PDE11A: variants seen among roughly 807,000 people sequenced by gnomAD.
PDE11A encodes the protein dual 3',5'-cyclic-AMP and -GMP phosphodiesterase 11A.
Under a neutral mutation model 100.5 loss-of-function variants are expected in PDE11A, and 100 were observed. That is an observed-to-expected ratio of 1.00 (90% confidence interval 0.85 to 1.18). The LOEUF (loss-of-function observed/expected upper bound fraction) is 1.18. PDE11A is among the 50% of genes most tolerant of loss of function. The probability of loss-of-function intolerance (pLI) is 0.00; values close to 1 mark genes in which losing one functional copy is unlikely to be tolerated. For synonymous variants in PDE11A, 381 were observed against 420.8 expected (o/e 0.91, Z 1.16); for missense variants, 1,141 against 1,152.6 (o/e 0.99, Z 0.15).
At chr2:177,786,175 C>T (rs1351744859) in intron 9 of PDE11A, among the ~76,000 whole-genome samples, 2 of 152,198 alleles carry the variant, frequency 1.3e-5, no homozygotes, top group Non-Finnish European at 2.9e-5. Flanking sequence ...CGGCCGGGTA[C>T]TCCTCTGAGA....
chr2:177,989,039 G>A (rs1021916537), intron 2 of PDE11A, among the ~76,000 whole-genome samples: 1 of 152,220 alleles, frequency 6.6e-6, no homozygotes, highest in African/African-American at 2.4e-5. Flanking sequence ...AGGCTTGCCT[G>A]CTAACTGCGT....
chr2:177,946,127 C>G (rs1444786555), intron 2 of PDE11A, among the ~76,000 whole-genome samples: 1 of 118,990 alleles, frequency 8.4e-6, no homozygotes, highest in African/African-American at 3.4e-5. Context: ...TCCGCCCGGC[C>G]AGCCGCCCCG....
At chr2:177,820,429 G>A (rs991376742) in intron 6 of PDE11A, 134 bp from the exon 7 acceptor site, 22 of 641,168 alleles carry the variant, frequency 3.4e-5, no homozygotes, top group Non-Finnish European at 4.8e-5. Flanking sequence ...ACCTAATTTT[G>A]TAATGCATAA....
chr2:177,932,183 C>T (rs561181830), intron 2 of PDE11A, among the ~76,000 whole-genome samples: 1 of 152,098 alleles, frequency 6.6e-6, no homozygotes, highest in African/African-American at 2.4e-5. Flanking sequence ...ATCCTACCAA[C>T]CAAATAAAAT....
chr2:177,802,985 T>C (rs2082815004), intron 9 of PDE11A, among the ~76,000 whole-genome samples: 1 of 151,878 alleles, frequency 6.6e-6, no homozygotes, highest in African/African-American at 2.4e-5. Flanking sequence ...GGAAAGTGCA[T>C]ACTCCAATTC....
chr2:178,055,827 G>A (rs1421934911), intron 1 of PDE11A, among the ~76,000 whole-genome samples: 4 of 151,880 alleles, frequency 2.6e-5, no homozygotes, highest in African/African-American at 9.7e-5. Flanking sequence ...ATTTAGCTTT[G>A]TACACTTATA....
intron 9 of PDE11A, among the ~76,000 whole-genome samples, chr2:177,789,413 C>T (rs1302774414): frequency 6.6e-6 from 1 of 151,812 alleles, no homozygotes; most frequent in Non-Finnish European, 1.5e-5. Context: ...CTATCTATGA[C>T]AAACCCACAG....
chr2:177,939,014 T>C (rs907459565), intron 2 of PDE11A, among the ~76,000 whole-genome samples: 2 of 152,212 alleles, frequency 1.3e-5, no homozygotes, highest in African/African-American at 4.8e-5. Context: ...TGCTGACACC[T>C]TGATGGTGGA....
At chr2:178,020,248 G>A (rs533773876) in intron 1 of PDE11A, among the ~76,000 whole-genome samples, 50 of 152,302 alleles carry the variant, frequency 3.3e-4, no homozygotes, top group African/African-American at 1.1e-3. Flanking sequence ...CAGCCTGTTT[G>A]CCCTTACCTT....
chr2:177,762,668 G>A (rs902439922), intron 10 of PDE11A, among the ~76,000 whole-genome samples: 2 of 152,108 alleles, frequency 1.3e-5, no homozygotes, highest in Admixed American at 6.5e-5. Flanking sequence ...ATTCTGCTGT[G>A]CTAACATGGG....
intron 1 of PDE11A, among the ~76,000 whole-genome samples, chr2:178,068,251 C>T (rs552846125): frequency 8.0e-5 from 12 of 150,082 alleles, no homozygotes; most frequent in South Asian, 4.2e-4. Flanking sequence ...TTTCCATTTA[C>T]GATTTATTTT....
chr2:178,007,748 C>T (rs183623865), intron 2 of PDE11A, among the ~76,000 whole-genome samples: 234 of 152,064 alleles, frequency 1.5e-3, no homozygotes, highest in African/African-American at 3.6e-3. Context: ...CCTGTCACCC[C>T]GGCTGGAGTG....
At chr2:177,742,905 G>A (rs1465673860) in intron 10 of PDE11A, among the ~76,000 whole-genome samples, 2 of 152,194 alleles carry the variant, frequency 1.3e-5, no homozygotes, top group African/African-American at 4.8e-5. Context: ...CAGCTAAGAG[G>A]AGAGGTGGCA....
intron 19 of PDE11A, among the ~76,000 whole-genome samples, chr2:177,661,332 A>T (rs2080482978): frequency 6.6e-6 from 1 of 152,044 alleles, no homozygotes; most frequent in African/African-American, 2.4e-5. Flanking sequence ...TTGCATTTTT[A>T]TGTTCAAAAC....
chr2:177,935,637 A>G (rs1348171254), intron 2 of PDE11A, among the ~76,000 whole-genome samples: 1 of 152,088 alleles, frequency 6.6e-6, no homozygotes, highest in Non-Finnish European at 1.5e-5. Context: ...GCTGGAGGCC[A>G]TGTCCTGAGA....
At chr2:177,796,985 G>A (rs1217255828) in intron 9 of PDE11A, 1 of 152,210 alleles carries the variant, frequency 6.6e-6, no homozygotes, top group Admixed American at 6.5e-5. Context: ...TTACTGACAA[G>A]TTAGTAATTT....
intron 14 of PDE11A, among the ~76,000 whole-genome samples, chr2:177,699,488 T>C (rs759198032): frequency 6.6e-6 from 1 of 152,178 alleles, no homozygotes; most frequent in Non-Finnish European, 1.5e-5. Flanking sequence ...TAATTTGCAA[T>C]CAGTTTATTG....
intron 10 of PDE11A, among the ~76,000 whole-genome samples, chr2:177,730,892 A>T (rs925806079): frequency 1.3e-5 from 2 of 152,102 alleles, no homozygotes; most frequent in African/African-American, 4.8e-5. Flanking sequence ...GATCTCTAGA[A>T]CTTTTTCATC....
At chr2:178,102,158 G>A (rs1044568302) in intron 2 of PDE11A, among the ~76,000 whole-genome samples, 4 of 150,320 alleles carry the variant, frequency 2.7e-5, no homozygotes, top group African/African-American at 9.8e-5. Context: ...ACAAAGTCTT[G>A]CTCTGTTGCC....
Sources: gnomAD v4.1 joint callset for allele counts (sites outside exome capture counted in the v4.1 genomes callset) on GRCh38, gnomAD v4.1.1 for gene constraint, MANE v1.5 for transcripts, NCBI Gene and HGNC (gene_info 2026-07-23, HGNC 2026-07-21) for gene names.